The following PDZD2 variants were observed in gnomAD, a reference collection of about 807,000 sequenced individuals.
PDZD2 encodes the protein PDZ domain containing 2, also known as PDZ domain-containing protein 2.
A neutral mutation model predicts 220.7 loss-of-function variants in PDZD2; 90 were observed. The observed-to-expected ratio is 0.41, with a 90% CI of 0.34 to 0.49. The LOEUF (loss-of-function observed/expected upper bound fraction) is 0.49. PDZD2 is among the 20% of genes least tolerant of loss of function. The probability of loss-of-function intolerance (pLI) is 0.28; values close to 1 mark genes in which losing one functional copy is unlikely to be tolerated. For missense variants in PDZD2, 3,174 were observed against 3,608.5 expected (o/e 0.88, Z 3.08); for synonymous variants, 1,375 against 1,450.5 (o/e 0.95, Z 1.18).
intron 2 of PDZD2, among the ~76,000 whole-genome samples, chr5:31,858,645 A>AGGT (rs1316294931): frequency 6.6e-6 from 1 of 152,140 alleles, no homozygotes; most frequent in African/African-American, 2.4e-5. Flanking sequence ...GTAGAACCTA[A>AGGT]GGTTGGCCTT....
intron 7 of PDZD2, among the ~76,000 whole-genome samples, chr5:32,039,061 G>A (rs1049166510): frequency 4.0e-5 from 6 of 151,788 alleles, no homozygotes; most frequent in East Asian, 3.9e-4. Flanking sequence ...GGTTTAAGAC[G>A]GTGAAATACC....
At chr5:31,814,007 T>C (rs1363842160) in intron 2 of PDZD2, among the ~76,000 whole-genome samples, 74 of 152,278 alleles carry the variant, frequency 4.9e-4, no homozygotes, top group Admixed American at 4.7e-3. Flanking sequence ...ATCTCTATTT[T>C]TGTAAAAACT....
intron 2 of PDZD2, among the ~76,000 whole-genome samples, chr5:31,810,900 C>G (rs942887323): frequency 3.3e-5 from 5 of 152,226 alleles, no homozygotes; most frequent in Admixed American, 1.3e-4. Context: ...TGGGATTCTT[C>G]TTTGAGATGT....
chr5:31,892,656 A>G (rs1002868825), intron 2 of PDZD2, among the ~76,000 whole-genome samples: 2 of 145,134 alleles, frequency 1.4e-5, no homozygotes, highest in African/African-American at 5.1e-5. Context: ...CAGCCTCGAC[A>G]TCCCGGACTC....
At chr5:31,965,023 G>GT (rs1017647277) in intron 2 of PDZD2, among the ~76,000 whole-genome samples, 24 of 152,254 alleles carry the variant, frequency 1.6e-4, no homozygotes, top group East Asian at 1.2e-3. Context: ...CGCCCGGCCA[G>GT]TTTTTTTGCC....
intron 2 of PDZD2, among the ~76,000 whole-genome samples, chr5:31,972,926 C>T (rs1268366898): frequency 1.3e-5 from 2 of 152,166 alleles, no homozygotes; most frequent in Non-Finnish European, 2.9e-5. Context: ...TATAAGGAAC[C>T]TTGATCCACT....
At chr5:31,711,761 T>C (rs1228789356) in intron 1 of PDZD2, among the ~76,000 whole-genome samples, 1 of 152,180 alleles carries the variant, frequency 6.6e-6, no homozygotes, top group African/African-American at 2.4e-5. Flanking sequence ...GATCCACGAT[T>C]GCCCGTGGCT....
intron 5 of PDZD2, among the ~76,000 whole-genome samples, chr5:32,001,511 G>A (rs777022052): frequency 1.3e-5 from 2 of 152,042 alleles, no homozygotes; most frequent in Non-Finnish European, 2.9e-5. Context: ...GCCAGGACCC[G>A]GGCCCTAACG....
chr5:31,669,251 A>C (rs1746117619), intron 1 of PDZD2, among the ~76,000 whole-genome samples: 1 of 151,962 alleles, frequency 6.6e-6, no homozygotes, highest in South Asian at 2.1e-4. Flanking sequence ...AAATTTTAAA[A>C]ATTAGGCAGG....
intron 7 of PDZD2, among the ~76,000 whole-genome samples, chr5:32,038,182 TAAAA>T (rs547581515): frequency 8.3e-5 from 9 of 109,048 alleles, no homozygotes; most frequent in Admixed American, 2.1e-4. Context: ...TTTCCTCCAT[TAAAA>T]AAAAAAAAAA....
At chr5:31,754,541 T>C (rs1751198989) in intron 1 of PDZD2, 1 of 152,250 alleles carries the variant, frequency 6.6e-6, no homozygotes, top group African/African-American at 2.4e-5. Context: ...GTGTATTAAC[T>C]TAATTGGCTA....
intron 2 of PDZD2, among the ~76,000 whole-genome samples, chr5:31,810,590 G>C (rs147026970): frequency 1.4e-4 from 21 of 152,254 alleles, no homozygotes; most frequent in African/African-American, 4.8e-4. Flanking sequence ...TGAACTTCAG[G>C]CTTTGGCACC....
intron 7 of PDZD2, among the ~76,000 whole-genome samples, chr5:32,046,306 G>A (rs745793876): frequency 6.6e-6 from 1 of 152,016 alleles, no homozygotes; most frequent in African/African-American, 2.4e-5. Flanking sequence ...GCAGTGTTGC[G>A]ATCTCAGGTC....
At chr5:31,833,486 A>C (rs1580850001) in intron 2 of PDZD2, among the ~76,000 whole-genome samples, 1 of 2,210 alleles carries the variant, frequency 4.5e-4, no homozygotes, top group African/African-American at 5.7e-3. Flanking sequence ...AAGAAAAAAA[A>C]AAAAAAAAAG....
chr5:31,650,408 C>T (rs1561363094), intron 1 of PDZD2, among the ~76,000 whole-genome samples: 1 of 152,168 alleles, frequency 6.6e-6, no homozygotes, highest in Non-Finnish European at 1.5e-5. Flanking sequence ...CATACAGAAT[C>T]TCTGAGAAGC....
At chr5:31,906,837 T>A (rs1742702090) in intron 2 of PDZD2, among the ~76,000 whole-genome samples, 1 of 150,516 alleles carries the variant, frequency 6.6e-6, no homozygotes, top group South Asian at 2.1e-4. Flanking sequence ...AGCAAGACTC[T>A]GTCTCAAAAA....
At chr5:31,687,962 C>G (rs1746941007) in intron 1 of PDZD2, among the ~76,000 whole-genome samples, 1 of 152,154 alleles carries the variant, frequency 6.6e-6, no homozygotes, top group Non-Finnish European at 1.5e-5. Flanking sequence ...ACAGTTCAGG[C>G]CATAGCAATA....
intron 1 of PDZD2, among the ~76,000 whole-genome samples, chr5:31,655,035 A>T (rs1745492595): frequency 1.3e-5 from 2 of 150,146 alleles, no homozygotes; most frequent in African/African-American, 4.9e-5. Flanking sequence ...CATGTAGCAG[A>T]CTCTCCCTCA....
At chr5:31,724,046 G>A (rs253919) in intron 1 of PDZD2, among the ~76,000 whole-genome samples, 123,709 of 152,174 alleles carry the variant, frequency 0.81, 50,600 homozygotes, top group East Asian at 0.94. Flanking sequence ...CTTTTACACA[G>A]TGCACACACA....
Sources: allele counts gnomAD v4.1 joint callset (sites outside exome capture counted in the v4.1 genomes callset), GRCh38; gene constraint gnomAD v4.1.1; transcripts MANE v1.5; gene names NCBI Gene and HGNC (gene_info 2026-07-23, HGNC 2026-07-21).